CCNB2: variants seen among roughly 807,000 people sequenced by gnomAD.
The protein encoded by CCNB2 is cyclin B2.
CCNB2 carries 39 observed loss-of-function variants against 51.1 expected under a neutral mutation model. That is an observed-to-expected ratio of 0.76 (90% CI 0.59 to 1.00). The LOEUF is 1.00. Among genes scored for constraint, CCNB2 ranks in the 50% least tolerant of loss-of-function variants. The pLI is 0.00. For synonymous variants in CCNB2, 174 were observed against 165.5 expected, an observed-to-expected ratio of 1.05 and a Z score of -0.40; for missense variants, 472 against 470.3, an observed-to-expected ratio of 1.00 and a Z score of -0.03.
intron 3 of CCNB2, among the ~76,000 whole-genome samples, chr15:59,112,333 A>C (rs1031360411): frequency 6.7e-6 from 1 of 148,640 alleles, no homozygotes. Context: ...ATTGAGCTTT[A>C]CTGTAAATTA....
chr15:59,116,623 C>T (rs2079279783), intron 5 of CCNB2, 67 bp from the exon 6 acceptor site: 4 of 1,129,164 alleles, frequency 3.5e-6, no homozygotes, highest in Non-Finnish European at 5.2e-6. Flanking sequence ...TTTCCTTTCC[C>T]CTTCTCCCAC....
rs2079241030 is a variant in CCNB2, at chr15:59,107,561, C to G, written c.158C>G (p.Ala53Gly). Reference protein sequence around the residue: ...TTRAAQVAKKAQNTKVPVQPT... With the variant: ...TTRAAQVAKKGQNTKVPVQPT... ...CATGTTTCTTTTTCCTTATAGAAAG[C>G]TCAGAACACCAAAGTTCCAGTTCAA... Residue 53 changes from alanine to glycine, a missense_variant, in exon 3 of 9, where the codon GCT (alanine) becomes GGT (glycine). Ala to Gly is a moderately conservative substitution (Grantham distance 60). Transcript: ENST00000288207. 6.2e-7 allele frequency: 1 copy of G among 1,613,980 alleles called. No individual in the cohort carries two copies. Among genetic ancestry groups the G allele is most frequent in the African/African-American group, 1.3e-5 (1 of 74,918 alleles).
At position 59,105,188 on chromosome 15, in the gene CCNB2, C is replaced by A; in HGVS notation, c.-81C>A. 1 of 1,357,116 alleles carries A rather than the reference C, an allele frequency of 7.4e-7. No homozygotes were observed. Among genetic ancestry groups the A allele is most frequent in the Non-Finnish European group, 1.0e-6 (1 of 979,648 alleles). The allele number at this position is 1,357,116 out of a possible 1,614,324, so 84.1% of individuals were successfully genotyped here. ...CGGGCTCGGAGAGCAGTCCTAACGG[C>A]GCCTCGTACGCTAGTGTCCTCCCTT... On this transcript the variant is annotated 5_prime_UTR_variant, in exon 1 of 9. Coordinates refer to ENST00000288207, the MANE Select transcript of CCNB2 (RefSeq NM_004701.4).
chr15:59,118,498 C>T (rs2079288220), intron 7 of CCNB2, among the ~76,000 whole-genome samples: 1 of 152,204 alleles, frequency 6.6e-6, no homozygotes, highest in African/African-American at 2.4e-5. Flanking sequence ...GCCTGGCCAA[C>T]ATGGCAAAAC....
intron 2 of CCNB2, 46 bp from the exon 3 acceptor site, chr15:59,107,511 A>G: frequency 6.2e-7 from 1 of 1,613,642 alleles, no homozygotes. Context: ...GCTGAGTCCC[A>G]CAACGCTGGC....
At chr15:59,110,812 T>C (rs2079254609) in intron 3 of CCNB2, among the ~76,000 whole-genome samples, 1 of 152,096 alleles carries the variant, frequency 6.6e-6, no homozygotes, top group South Asian at 2.1e-4. Flanking sequence ...TCCTGCAGGT[T>C]TTGGAGAAAA....
At chr15:59,115,538 T>C (rs1251016689) in intron 5 of CCNB2, 1 of 151,770 alleles carries the variant, frequency 6.6e-6, no homozygotes. Context: ...TACCAAACAA[T>C]AGCCCTGCAG....
At chr15:59,124,490 C>T (rs1411098652) in intron 8 of CCNB2, 1 of 420,848 alleles carries the variant, frequency 2.4e-6, no homozygotes. Flanking sequence ...CCCCTCCCAT[C>T]CCTCTGGTAG....
At chr15:59,121,488 C>T (rs548113083) in intron 7 of CCNB2, 28 of 152,264 alleles carry the variant, frequency 1.8e-4, no homozygotes, top group East Asian at 1.2e-3. Flanking sequence ...TTCTTCCCTT[C>T]AAAGTATTTT....
intron 8 of CCNB2, chr15:59,123,837 A>C (rs2079314016): frequency 4.1e-6 from 2 of 493,680 alleles, no homozygotes; most frequent in Admixed American, 6.5e-5. Context: ...TATTTGAAAC[A>C]AGGTCGATAG....
At chr15:59,113,049 T>A (rs753149552) in intron 3 of CCNB2, among the ~76,000 whole-genome samples, 1 of 152,008 alleles carries the variant, frequency 6.6e-6, no homozygotes, top group Non-Finnish European at 1.5e-5. Context: ...AAAAAACATT[T>A]AAAAAAGCAA....
At chr15:59,107,102 C>G (rs1257514718) in intron 1 of CCNB2, among the ~76,000 whole-genome samples, 3 of 152,098 alleles carry the variant, frequency 2.0e-5, no homozygotes, top group Non-Finnish European at 4.4e-5. Context: ...GTGGGAGGAT[C>G]TTTATTACGG....
At position 59,123,616 on chromosome 15, in the gene CCNB2, A is replaced by G; in HGVS notation, c.1075A>G (p.Thr359Ala). ...KNVVKVNENL[T>A]KFIAIKNKYA... ...TGTGGTGAAAGTAAATGAAAACTTA[A>G]CTAAATTCATCGTAAGTACTACTGT... The change falls in exon 8 of 9, where the codon ACT becomes GCT. Residue 359 changes from threonine (T) to alanine (A), a missense_variant. Physicochemically the swap from Thr to Ala is moderately conservative, Grantham distance 58. Transcript: ENST00000288207. 1.2e-6 allele frequency: 2 copies of G among 1,601,482 alleles called. No homozygotes were observed. The highest frequency in any genetic ancestry group is 1.7e-6 in the Non-Finnish European group (2 of 1,171,080).
At chr15:59,118,486 C>T (rs185247043) in intron 7 of CCNB2, among the ~76,000 whole-genome samples, 165 of 152,274 alleles carry the variant, frequency 1.1e-3, no homozygotes, top group African/African-American at 3.8e-3. Flanking sequence ...AGTTTGAGAC[C>T]AGCCTGGCCA....
chr15:59,109,842 C>T (rs1481776795), intron 3 of CCNB2, among the ~76,000 whole-genome samples: 5 of 151,972 alleles, frequency 3.3e-5, no homozygotes, highest in Admixed American at 6.6e-5. Flanking sequence ...AAAAATTAGC[C>T]GGGCGAGGTG....
intron 7 of CCNB2, 49 bp from the exon 8 acceptor site, chr15:59,123,465 GGTT>G: frequency 9.9e-7 from 1 of 1,012,162 alleles, no homozygotes; most frequent in Non-Finnish European, 1.6e-6. Context: ...AAGAAGCAGA[GGTT>G]TTCTCTTGCC....
intron 5 of CCNB2, 30 bp downstream of exon 5, chr15:59,114,906 G>C (rs765473957): frequency 6.3e-7 from 1 of 1,589,380 alleles, no homozygotes; most frequent in Non-Finnish European, 8.6e-7. Flanking sequence ...CTTCACGCCA[G>C]TGGCTCATTG....
chr15:59,116,621 C>T, intron 5 of CCNB2, 69 bp from the exon 6 acceptor site: 1 of 1,099,400 alleles, frequency 9.1e-7, no homozygotes. Flanking sequence ...GGTTTCCTTT[C>T]CCCTTCTCCC....
chr15:59,119,272 T>C (rs2079292098), intron 7 of CCNB2, among the ~76,000 whole-genome samples: 1 of 152,046 alleles, frequency 6.6e-6, no homozygotes, highest in African/African-American at 2.4e-5. Context: ...CCAGCCTGGG[T>C]AGCGTAGCAA....
Sources: gnomAD v4.1 joint callset for allele counts (sites outside exome capture counted in the v4.1 genomes callset) on GRCh38, gnomAD v4.1.1 for gene constraint, MANE v1.5 for transcripts, NCBI Gene and HGNC (gene_info 2026-07-23, HGNC 2026-07-21) for gene names.